IQSEC1: variants seen among roughly 807,000 people sequenced by gnomAD.
The protein encoded by IQSEC1 is IQ motif and SEC7 domain-containing protein 1.
IQSEC1 carries 31 observed loss-of-function variants against 91.0 expected under a neutral mutation model. The ratio of observed to expected loss-of-function variants is 0.34; its 90% CI spans 0.26 to 0.46. IQSEC1 has a LOEUF of 0.46. IQSEC1 is among the 20% of genes least tolerant of loss of function. IQSEC1 has a pLI of 1.00. For synonymous variants in IQSEC1, 699 were observed against 662.6 expected (o/e 1.05, Z -0.84); for missense variants, 1,388 against 1,575.6 (o/e 0.88, Z 2.02).
intron 1 of IQSEC1, among the ~76,000 whole-genome samples, chr3:13,066,838 A>G (rs1464930516): frequency 6.6e-6 from 1 of 152,232 alleles, no homozygotes; most frequent in Non-Finnish European, 1.5e-5. Context: ...CGTAGCCCAC[A>G]GGCCTGGCGT....
At chr3:13,231,294 CGTGTGCACACAT>C (rs1261486835) in intron 1 of IQSEC1, among the ~76,000 whole-genome samples, 9 of 152,122 alleles carry the variant, frequency 5.9e-5, no homozygotes, top group Non-Finnish European at 1.2e-4. Context: ...TGTGTGCCCA[CGTGTGCACACAT>C]GTGTGCATCT....
Position 13,038,262 on chromosome 3 carries a change from G to GTGTATATATATATATATA in IQSEC1, c.23+34729_23+34730insTATATATATATATATACA, listed in dbSNP as rs1491471643. Among the ~76,000 whole-genome samples, 7 of 101,216 alleles carry GTGTATATATATATATATA rather than the reference G, an allele frequency of 6.9e-5. No individual in the cohort carries two copies. In the South Asian group the frequency reaches 9.7e-4, roughly 14 times the overall value. 66.4% of individuals were successfully genotyped at this position (101,216 alleles called of 152,430 possible). A position where few individuals can be genotyped will look rare whatever the true frequency, so the allele number is the denominator to read the frequency against. On this transcript the variant is annotated intron_variant, in intron 1 of 13. Transcript: ENST00000613206. Reference sequence around the variant, plus strand: ...CAAGTATATATATGTGTGTGTGTGTGTATATATATATATATATATATATAT... The same window carrying GTGTATATATATATATATA: ...CAAGTATATATATGTGTGTGTGTGTGTGTATATATATATATATATATATATATATATATATATATATAT...
intron 2 of IQSEC1, among the ~76,000 whole-genome samples, chr3:13,144,625 TG>T (rs1300558875): frequency 1.3e-5 from 2 of 152,172 alleles, no homozygotes; most frequent in African/African-American, 4.8e-5. Flanking sequence ...CTTTTCAGAA[TG>T]TGCAGAAAGC....
At chr3:13,229,677 A>G (rs1329169348) in intron 1 of IQSEC1, among the ~76,000 whole-genome samples, 1 of 152,142 alleles carries the variant, frequency 6.6e-6, no homozygotes, top group Non-Finnish European at 1.5e-5. Context: ...TCTTCCCCCT[A>G]AACTCGCCAA....
chr3:12,996,681 A>C (rs1576137145), intron 1 of IQSEC1, among the ~76,000 whole-genome samples: 1 of 152,252 alleles, frequency 6.6e-6, no homozygotes, highest in East Asian at 1.9e-4. Flanking sequence ...AATGAAAGTT[A>C]ATTTCTCTAA....
chr3:13,270,007 C>T (rs916884525), intron 1 of IQSEC1, among the ~76,000 whole-genome samples: 3 of 152,192 alleles, frequency 2.0e-5, no homozygotes, highest in Non-Finnish European at 2.9e-5. Context: ...CCCTAGGCCA[C>T]CAGATTGGAG....
intron 1 of IQSEC1, among the ~76,000 whole-genome samples, chr3:13,234,465 G>C (rs2125093678): frequency 6.6e-6 from 1 of 152,300 alleles, no homozygotes; most frequent in Admixed American, 6.5e-5. Context: ...GGAAGCCTGG[G>C]GTCGAACCTG....
Position 12,994,397 on chromosome 3 carries a change from C to T in IQSEC1, c.24-52532G>A, listed in dbSNP as rs1316174292. Reference sequence around the variant, plus strand: ...ACGGTGCCGCCCCGGCCGCCGACGTCACCCGAGCCTGGACGAGTGGAGGGC... The same window carrying T: ...ACGGTGCCGCCCCGGCCGCCGACGTTACCCGAGCCTGGACGAGTGGAGGGC... On this transcript the variant is annotated intron_variant, in intron 1 of 13. Transcript: ENST00000613206. This position sits in a 1 kb window ranked among gnomAD's most constrained non-coding sequence, Gnocchi z 4.5. Among the ~76,000 whole-genome samples the T allele has an allele frequency of 6.6e-6, 1 of 151,654 alleles. No individual in the cohort carries two copies. Among genetic ancestry groups the T allele is most frequent in the Non-Finnish European group, 1.5e-5 (1 of 67,782 alleles).
chr3:13,268,762 C>T (rs575439757), intron 1 of IQSEC1, among the ~76,000 whole-genome samples: 2 of 152,126 alleles, frequency 1.3e-5, no homozygotes, highest in Non-Finnish European at 2.9e-5. Context: ...ATGTAACAAT[C>T]GTCGATTCAT....
chr3:12,965,888 C>A (rs1003028107), intron 1 of IQSEC1, among the ~76,000 whole-genome samples: 8 of 152,168 alleles, frequency 5.3e-5, no homozygotes, highest in Non-Finnish European at 1.0e-4. Flanking sequence ...TCCATGAGGA[C>A]AAAGACTCCA....
intron 10 of IQSEC1, 145 bp downstream of exon 10, chr3:12,911,484 G>A (rs1179963649): frequency 1.4e-5 from 9 of 660,598 alleles, no homozygotes; most frequent in African/African-American, 3.6e-5. Flanking sequence ...ACAGCTCACC[G>A]GAGCTCCTAG....
In IQSEC1 at chr3:12,909,327, C is replaced by G. The variant is rs1179510311; in HGVS notation, c.2524G>C (p.Asp842His). ...ACTTCCGCAATGGACTCCCGCAGGT[C>G]ATCGGTGAATTTCTTCCGGTCTTGA... ...NPQDRKKFTD[D>H]LRESIAEVQE... Residue 842 changes from aspartate to histidine, a missense_variant, in exon 11 of 14, where the codon GAC (aspartate) becomes CAC (histidine). Physicochemically the swap from Asp to His is moderately conservative, Grantham distance 81 (BLOSUM62 -1). This residue lies in a region of IQSEC1 where 1,059 missense variants were observed against 1,317.8 expected (regional missense o/e 0.80). Transcript: ENST00000613206. The surrounding 1 kb of genome is among the most constrained non-coding windows in gnomAD (Gnocchi z 4.9). 1 of 1,614,116 alleles carries G rather than the reference C, an allele frequency of 6.2e-7. No individual in the cohort carries two copies.
chr3:13,237,936 C>T (rs1400166715), intron 1 of IQSEC1, among the ~76,000 whole-genome samples: 1 of 152,210 alleles, frequency 6.6e-6, no homozygotes, highest in East Asian at 1.9e-4. Context: ...CTTGGCCAGT[C>T]CCCAAATGCT....
At chr3:13,071,746 A>C (rs1705435893) in intron 1 of IQSEC1, among the ~76,000 whole-genome samples, 1 of 148,574 alleles carries the variant, frequency 6.7e-6, no homozygotes, top group Non-Finnish European at 1.5e-5. Context: ...CCATCCCCCA[A>C]ACCAGAGGCC....
At chr3:13,001,781 G>T (rs1161997071) in intron 1 of IQSEC1, among the ~76,000 whole-genome samples, 3 of 152,168 alleles carry the variant, frequency 2.0e-5, no homozygotes, top group Admixed American at 6.5e-5. Flanking sequence ...AGTGCTGGCC[G>T]AGCGCGATGG....
At position 12,983,999 on chromosome 3, in the gene IQSEC1, G is replaced by A. The variant is rs926172854; in HGVS notation, c.24-42134C>T. Among the ~76,000 whole-genome samples, 1 of 152,142 alleles carries A rather than the reference G, an allele frequency of 6.6e-6. No individual in the cohort carries two copies. Among genetic ancestry groups the A allele is most frequent in the Non-Finnish European group, 1.5e-5 (1 of 68,014 alleles). ...GGGATAGTAACATGGTAAACAGATG[G>A]TCTGCACAGAGCTGTCCTGACCCAA... On this transcript the variant is annotated intron_variant, in intron 1 of 13. Coordinates refer to ENST00000613206, the MANE Select transcript of IQSEC1 (RefSeq NM_001134382.3). The surrounding 1 kb of genome is among the most constrained non-coding windows in gnomAD (Gnocchi z 4.3).
intron 1 of IQSEC1, among the ~76,000 whole-genome samples, chr3:13,019,864 C>A (rs1327826124): frequency 1.3e-5 from 2 of 152,304 alleles, no homozygotes; most frequent in South Asian, 2.1e-4. Flanking sequence ...CAAAGCCTCC[C>A]GTAAGGCCCC....
At chr3:13,176,203 G>A (rs1035230425) in intron 1 of IQSEC1, among the ~76,000 whole-genome samples, 2 of 152,176 alleles carry the variant, frequency 1.3e-5, no homozygotes, top group South Asian at 2.1e-4. Context: ...CAGATCCCCC[G>A]ACTCCAGTCA....
intron 3 of IQSEC1, among the ~76,000 whole-genome samples, chr3:12,925,796 G>A (rs1697073112): frequency 6.6e-6 from 1 of 152,228 alleles, no homozygotes; most frequent in Admixed American, 6.5e-5. Flanking sequence ...GAGCACACCA[G>A]GTCTGCACCT....
Sources: allele counts gnomAD v4.1 joint callset (sites outside exome capture counted in the v4.1 genomes callset), GRCh38; gene constraint gnomAD v4.1.1; regional missense constraint gnomAD v4.1.1; non-coding constraint Gnocchi (gnomAD v3.1); transcripts MANE v1.5; gene names NCBI Gene and HGNC (gene_info 2026-07-23, HGNC 2026-07-21).